SORCS1: variants seen among roughly 807,000 people sequenced by gnomAD.
SORCS1 encodes VPS10 domain-containing receptor SorCS1.
A neutral mutation model predicts 146.1 loss-of-function variants in SORCS1; 60 were observed. The observed-to-expected ratio is 0.41, with a 90% CI of 0.33 to 0.51. SORCS1 has a LOEUF of 0.51. Ranked by LOEUF, SORCS1 falls within the 20% of genes least tolerant of loss-of-function variation. The pLI is 0.21. For missense variants in SORCS1, 1,352 were observed against 1,487.6 expected (o/e 0.91, Z 1.50); for synonymous variants, 637 against 584.0 (o/e 1.09, Z -1.31).
chr10:106,688,362 A>T, intron 9 of SORCS1, 24 bp from the exon 10 acceptor site: 2 of 1,607,778 alleles, frequency 1.2e-6, no homozygotes, highest in Non-Finnish European at 1.7e-6. Flanking sequence ...ACATGGCTGA[A>T]AAATACATCA....
At chr10:107,084,431 A>C (rs1022557244) in intron 1 of SORCS1, among the ~76,000 whole-genome samples, 21 of 152,020 alleles carry the variant, frequency 1.4e-4, no homozygotes, top group Non-Finnish European at 2.9e-4. Context: ...GACAAGAACT[A>C]TACTATTTCT....
intron 1 of SORCS1, among the ~76,000 whole-genome samples, chr10:107,120,036 A>G (rs1463760984): frequency 6.6e-6 from 1 of 152,018 alleles, no homozygotes; most frequent in African/African-American, 2.4e-5. Flanking sequence ...CACAAAGCAC[A>G]TGCCATCTAG....
intron 1 of SORCS1, among the ~76,000 whole-genome samples, chr10:107,124,590 C>G (rs930868147): frequency 6.6e-6 from 1 of 152,024 alleles, no homozygotes; most frequent in Non-Finnish European, 1.5e-5. Context: ...AAACATTTTG[C>G]TGGGAACTGG....
At chr10:106,699,700 C>G (rs908445659) in intron 8 of SORCS1, among the ~76,000 whole-genome samples, 5 of 152,076 alleles carry the variant, frequency 3.3e-5, no homozygotes, top group Non-Finnish European at 5.9e-5. Flanking sequence ...GAGAATCAAG[C>G]ATCCTGATAT....
chr10:107,176,233 T>C, the SORCS1 span, among the ~76,000 whole-genome samples: 34,379 of 151,142 alleles, frequency 0.23, 4,086 homozygotes, highest in African/African-American at 0.28. Context: ...TCCTCCCTCC[T>C]TCCCTGTTTT....
At chr10:107,170,687 A>G in the SORCS1 span, among the ~76,000 whole-genome samples, 13,420 of 152,248 alleles carry the variant, frequency 0.088, 617 homozygotes, top group African/African-American at 0.11. Flanking sequence ...TCAGTAGCAC[A>G]GTTGGACAGA....
intron 1 of SORCS1, among the ~76,000 whole-genome samples, chr10:107,148,883 T>C (rs1968545420): frequency 2.6e-5 from 4 of 152,346 alleles, no homozygotes; most frequent in South Asian, 4.1e-4. Flanking sequence ...ATTTGGGATC[T>C]GCTGAAAAGC....
In SORCS1 at chr10:107,060,748, G is replaced by T. The variant is rs1276198840; in HGVS notation, c.558+103221C>A. ...ACAATATCTTTTTACATGAAAAAAT[G>T]TACTAAATGTGACTCATTTAGCACT... On this transcript the variant is annotated intron_variant, in intron 1 of 25. Transcript: ENST00000263054. The surrounding 1 kb of genome is among the most constrained non-coding windows in gnomAD (Gnocchi z 4.1). Among the ~76,000 whole-genome samples the T allele has an allele frequency of 6.6e-6, 1 of 152,104 alleles. No homozygotes were observed. The highest frequency in any genetic ancestry group is 1.9e-4 in the East Asian group (1 of 5,194).
chr10:107,084,259 C>T (rs1963588782), intron 1 of SORCS1, among the ~76,000 whole-genome samples: 1 of 145,386 alleles, frequency 6.9e-6, no homozygotes, highest in Non-Finnish European at 1.5e-5. Context: ...CCATACCCGG[C>T]TAATTTTTTT....
rs942090850 is a variant in SORCS1, at chr10:107,096,207, C to T, written c.558+67762G>A. Among the ~76,000 whole-genome samples the T allele has an allele frequency of 2.0e-5, 3 of 152,210 alleles. No homozygotes were observed. In the East Asian group the frequency reaches 5.8e-4, roughly 29 times the overall value. ...AGTTATTGTTGCAAGAGGCAAGAAACAGTCACAGTTATGTTTCACTGGCAT... is the reference window on the plus strand; with the variant it reads ...AGTTATTGTTGCAAGAGGCAAGAAATAGTCACAGTTATGTTTCACTGGCAT... On this transcript the variant is annotated intron_variant, in intron 1 of 25. Coordinates refer to ENST00000263054, the MANE Select transcript of SORCS1 (RefSeq NM_052918.5).
chr10:107,095,980 C>A (rs1964521254), intron 1 of SORCS1, among the ~76,000 whole-genome samples: 7 of 152,104 alleles, frequency 4.6e-5, no homozygotes, highest in Admixed American at 4.6e-4. Context: ...TAAAGATACA[C>A]TTTACAACTT....
At chr10:107,081,830 A>C (rs1207352203) in intron 1 of SORCS1, among the ~76,000 whole-genome samples, 2 of 152,244 alleles carry the variant, frequency 1.3e-5, no homozygotes, top group African/African-American at 4.8e-5. Context: ...ATGAACCAGA[A>C]AACCACAGAG....
chr10:106,625,324 T>C (rs1848036576), intron 19 of SORCS1, among the ~76,000 whole-genome samples: 2 of 152,126 alleles, frequency 1.3e-5, no homozygotes, highest in South Asian at 4.2e-4. Context: ...GCACATATCA[T>C]ATTGCTATTT....
intron 5 of SORCS1, among the ~76,000 whole-genome samples, chr10:106,759,042 T>G (rs7909323): frequency 0.024 from 3,605 of 152,336 alleles, 95 homozygotes; most frequent in East Asian, 0.11. Flanking sequence ...GCTAGCTTTT[T>G]AAGAGATTTC....
At chr10:106,739,247 A>G (rs1047525424) in intron 5 of SORCS1, among the ~76,000 whole-genome samples, 1 of 151,966 alleles carries the variant, frequency 6.6e-6, no homozygotes, top group Non-Finnish European at 1.5e-5. Context: ...GCACTTTGGG[A>G]GTTCAAGGTA....
At chr10:106,646,637 G>A (rs916716231) in intron 18 of SORCS1, among the ~76,000 whole-genome samples, 7 of 152,032 alleles carry the variant, frequency 4.6e-5, no homozygotes, top group Admixed American at 2.0e-4. Flanking sequence ...CAGAGGTTGC[G>A]GTTGAGCTGA....
intron 2 of SORCS1, among the ~76,000 whole-genome samples, chr10:106,940,042 G>C (rs944831988): frequency 2.0e-5 from 3 of 152,162 alleles, no homozygotes; most frequent in Non-Finnish European, 4.4e-5. Flanking sequence ...CATTACATTT[G>C]TATTTGAACA....
intron 6 of SORCS1, among the ~76,000 whole-genome samples, chr10:106,723,995 A>T (rs574081921): frequency 4.4e-4 from 67 of 152,328 alleles, no homozygotes; most frequent in African/African-American, 1.5e-3. Context: ...TTTTAAATTA[A>T]TATATTATAT....
intron 25 of SORCS1, chr10:106,579,121 T>C: frequency 6.2e-7 from 1 of 1,614,118 alleles, no homozygotes; most frequent in South Asian, 1.1e-5. Flanking sequence ...TTCTCATCTA[T>C]AAGCTGGCCA....
Sources: gnomAD v4.1 joint callset for allele counts (sites outside exome capture counted in the v4.1 genomes callset) on GRCh38, gnomAD v4.1.1 for gene constraint, Gnocchi (gnomAD v3.1) non-coding constraint, MANE v1.5 for transcripts, NCBI Gene and HGNC (gene_info 2026-07-23, HGNC 2026-07-21) for gene names.